NR3C2: variants seen among roughly 807,000 people sequenced by gnomAD.
NR3C2 encodes nuclear receptor subfamily 3 group C member 2.
A neutral mutation model predicts 86.4 loss-of-function variants in NR3C2; 15 were observed. The observed-to-expected ratio is 0.17, with a 90% CI of 0.12 to 0.27. The LOEUF (loss-of-function observed/expected upper bound fraction) is 0.27, where lower values mean the gene tolerates loss of function less well. Ranked by LOEUF, NR3C2 falls within the 10% of genes least tolerant of loss-of-function variation. NR3C2 has a pLI of 1.00. For synonymous variants in NR3C2, 458 were observed against 450.5 expected, an observed-to-expected ratio of 1.02 and a Z score of -0.21; for missense variants, 960 against 1,195.6, an observed-to-expected ratio of 0.80 and a Z score of 2.91.
chr4:148,388,321 A>G (rs1050635329), intron 2 of NR3C2, among the ~76,000 whole-genome samples: 7 of 152,230 alleles, frequency 4.6e-5, no homozygotes, highest in African/African-American at 1.4e-4. Flanking sequence ...CATACTTAAT[A>G]GGTGAAAATC....
rs1732701494 is a variant in NR3C2, at chr4:148,125,496, A to T, written c.2511-5208T>A. ...TAGTCAGTGGGCCATCTGTGGCATT[A>T]GTTCTGCTTTAAAGCACCCTGCCTA... On this transcript the variant is annotated intron_variant, in intron 6 of 8. Transcript: ENST00000358102. Among the ~76,000 whole-genome samples the T allele has an allele frequency of 2.0e-5, 3 of 152,194 alleles. No homozygotes were observed. In the South Asian group the frequency reaches 6.2e-4, roughly 31 times the overall value.
At chr4:148,387,258 G>C (rs1561078318) in intron 2 of NR3C2, among the ~76,000 whole-genome samples, 1 of 152,264 alleles carries the variant, frequency 6.6e-6, no homozygotes, top group East Asian at 1.9e-4. Context: ...TTGCCACCAT[G>C]AGGCAACAAG....
chr4:148,443,926 C>A, upstream of NR3C2: 1 of 899,060 alleles, frequency 1.1e-6, no homozygotes, highest in Non-Finnish European at 1.3e-6. Context: ...GAGATAGGGG[C>A]GACAGCGGCA....
At chr4:148,362,699 G>A (rs1745899629) in intron 2 of NR3C2, among the ~76,000 whole-genome samples, 1 of 152,046 alleles carries the variant, frequency 6.6e-6, no homozygotes, top group South Asian at 2.1e-4. Flanking sequence ...ACTCAAAGAA[G>A]ACAGAGCCAT....
Position 148,081,283 on chromosome 4 carries a change from C to G in NR3C2, c.*61G>C. The G allele has an allele frequency of 6.2e-7, 1 of 1,607,314 alleles. No homozygotes were observed. The highest frequency in any genetic ancestry group is 8.5e-7 in the Non-Finnish European group (1 of 1,174,004). On this transcript the variant is annotated 3_prime_UTR_variant, in exon 9 of 9. Transcript: ENST00000358102. Reference sequence around the variant, plus strand: ...ATGTTAAAAACAGGTTTTCTTGGGTCCTTCTGGGTGTGGAACAACACAGGG... The same window carrying G: ...ATGTTAAAAACAGGTTTTCTTGGGTGCTTCTGGGTGTGGAACAACACAGGG...
chr4:148,149,140 C>G (rs989719762), intron 6 of NR3C2, among the ~76,000 whole-genome samples: 1 of 152,160 alleles, frequency 6.6e-6, no homozygotes, highest in Non-Finnish European at 1.5e-5. Flanking sequence ...TCTATTCTTT[C>G]TAGTTGAGAG....
chr4:148,394,209 C>T (rs549361092), intron 2 of NR3C2, among the ~76,000 whole-genome samples: 1 of 152,196 alleles, frequency 6.6e-6, no homozygotes, highest in Non-Finnish European at 1.5e-5. Flanking sequence ...AGCTGCCTGA[C>T]TGGGCCCAGC....
intron 4 of NR3C2, among the ~76,000 whole-genome samples, chr4:148,172,339 A>G (rs1323063590): frequency 6.6e-6 from 1 of 152,142 alleles, no homozygotes; most frequent in East Asian, 1.9e-4. Flanking sequence ...AAGAAGTTCA[A>G]ACAGTACTTA....
At chr4:148,421,489 A>G (rs1749278651) in intron 2 of NR3C2, among the ~76,000 whole-genome samples, 1 of 152,206 alleles carries the variant, frequency 6.6e-6, no homozygotes, top group South Asian at 2.1e-4. Context: ...TAACTGAAAT[A>G]TCAAAAGTAT....
At chr4:148,187,010 A>G (rs1342607048) in intron 4 of NR3C2, among the ~76,000 whole-genome samples, 1 of 48,766 alleles carries the variant, frequency 2.1e-5, no homozygotes, top group Non-Finnish European at 3.5e-5. Flanking sequence ...ATATATATAT[A>G]TATATATATA....
At chr4:148,363,506 C>CTTTTTTTTTTTTTTTT (rs58978966) in intron 2 of NR3C2, among the ~76,000 whole-genome samples, 12 of 110,774 alleles carry the variant, frequency 1.1e-4, no homozygotes, top group African/African-American at 2.1e-4. Flanking sequence ...TCATAGATCT[C>CTTTTTTTTTTTTTTTT]TTTTTTTTTT....
chr4:148,151,860 T>C (rs1560948111), intron 6 of NR3C2, among the ~76,000 whole-genome samples: 1 of 152,340 alleles, frequency 6.6e-6, no homozygotes, highest in South Asian at 2.1e-4. Flanking sequence ...ATGCAAACAG[T>C]ATTAAAATGT....
At chr4:148,412,110 C>G (rs2126572417) in intron 2 of NR3C2, among the ~76,000 whole-genome samples, 1 of 152,284 alleles carries the variant, frequency 6.6e-6, no homozygotes, top group South Asian at 2.1e-4. Context: ...GTTATCACAC[C>G]TGTCTCCTGG....
At chr4:148,402,147 G>A (rs1017985227) in intron 2 of NR3C2, among the ~76,000 whole-genome samples, 4 of 152,154 alleles carry the variant, frequency 2.6e-5, no homozygotes, top group African/African-American at 9.7e-5. Context: ...CAACGGTGTG[G>A]TCAGTGTTAT....
chr4:148,193,532 G>C (rs891402009), intron 4 of NR3C2, among the ~76,000 whole-genome samples: 3 of 152,180 alleles, frequency 2.0e-5, no homozygotes, highest in African/African-American at 7.2e-5. Context: ...CATAACCTAT[G>C]CACAACCTCC....
intron 3 of NR3C2, among the ~76,000 whole-genome samples, chr4:148,225,368 AAT>A (rs1738091581): frequency 6.6e-6 from 1 of 152,304 alleles, no homozygotes; most frequent in South Asian, 2.1e-4. Flanking sequence ...CCTATCAGAA[AAT>A]ATGAGTTAAT....
rs1472059941 is a variant in NR3C2, at chr4:148,131,124, G to A, written c.2511-10836C>T. 3.3e-5 allele frequency among the ~76,000 whole-genome samples: 5 copies of A among 152,072 alleles called. No homozygotes were observed. The South Asian group carries it at 8.3e-4, about 25-fold the overall frequency. The stretch of plus-strand genomic sequence containing the variant: ...TGGGATTACAGGCGTGAGTCATCGC[G>A]CCCAGCCAAACATGTTTGTTAACAT... On this transcript the variant is annotated intron_variant, in intron 6 of 8. Coordinates refer to ENST00000358102, the MANE Select transcript of NR3C2 (RefSeq NM_000901.5).
At chr4:148,081,537 C>T (rs1256258925) in intron 8 of NR3C2, 38 bp from the exon 9 acceptor site, 1 of 1,610,956 alleles carries the variant, frequency 6.2e-7, no homozygotes, top group Admixed American at 1.7e-5. Flanking sequence ...ACGGGGGCCT[C>T]CTTTCCGACC....
At chr4:148,380,870 A>C (rs556175055) in intron 2 of NR3C2, among the ~76,000 whole-genome samples, 18 of 152,342 alleles carry the variant, frequency 1.2e-4, no homozygotes, top group Non-Finnish European at 2.4e-4. Context: ...TGTGACCAAA[A>C]AACCATAATA....
Sources: gnomAD v4.1 joint callset for allele counts (sites outside exome capture counted in the v4.1 genomes callset) on GRCh38, gnomAD v4.1.1 for gene constraint, MANE v1.5 for transcripts, NCBI Gene and HGNC (gene_info 2026-07-23, HGNC 2026-07-21) for gene names.